KDM6B: variants seen among roughly 807,000 people sequenced by gnomAD.
KDM6B encodes lysine-specific demethylase 6B.
Under a neutral mutation model 150.4 loss-of-function variants are expected in KDM6B, and 22 were observed. The ratio of observed to expected loss-of-function variants is 0.15; its 90% confidence interval spans 0.10 to 0.21. KDM6B has a LOEUF of 0.21. Ranked by LOEUF, KDM6B falls within the 10% of genes least tolerant of loss-of-function variation. The pLI is 1.00. For synonymous variants in KDM6B, 1,148 were observed against 921.1 expected, an observed-to-expected ratio of 1.25 and a Z score of -4.46; for missense variants, 1,984 against 2,234.3, an observed-to-expected ratio of 0.89 and a Z score of 2.26.
rs2078610458 is a variant in KDM6B at position 7,848,398 on chromosome 17, G to A, written c.2110G>A (p.Glu704Lys). The change falls in exon 12 of 24, where the codon GAA becomes AAA. Residue 704 changes from glutamate to lysine, a missense_variant. Around this residue, in one of 13 missense-constraint regions of KDM6B, gnomAD observed 1,379 missense variants for 1,275.6 expected, o/e 1.08. Transcript: ENST00000448097. ...GGCCAACATCATGAAGATGCTGGACGAATCCATTCGCAAGGAAGAGGAACA... is the reference window on the plus strand; with the variant it reads ...GGCCAACATCATGAAGATGCTGGACAAATCCATTCGCAAGGAAGAGGAACA... ...GLANIMKMLDESIRKEEEQQQ... is the reference protein window; with the variant it reads ...GLANIMKMLDKSIRKEEEQQQ... The A allele has an allele frequency of 1.2e-6, 2 of 1,613,048 alleles. No individual in the cohort carries two copies. The highest frequency in any genetic ancestry group is 8.5e-7 in the Non-Finnish European group (1 of 1,180,000).
In KDM6B at chr17:7,845,347, G is replaced by A. The variant is rs909626122; in HGVS notation, c.-115G>A. ...GTGAAAGGACTGAGGCAGCCATCTG[G>A]GGGTAGCGGGCACTCTTATCAGAGC... On this transcript the variant is annotated 5_prime_UTR_variant, in exon 4 of 24. Coordinates refer to ENST00000448097, the MANE Select transcript of KDM6B (RefSeq NM_001348716.2). 1.5e-6 allele frequency: 1 copy of A among 660,648 alleles called. No individual in the cohort carries two copies. Among genetic ancestry groups the A allele is most frequent in the Non-Finnish European group, 2.7e-6 (1 of 365,110 alleles). 40.9% of individuals were successfully genotyped at this position (660,648 alleles called of 1,614,324 possible). A position where few individuals can be genotyped will look rare whatever the true frequency, so the allele number is the denominator to read the frequency against.
intron 6 of KDM6B, 36 bp from the exon 7 acceptor site, chr17:7,846,042 A>G (rs759704911): frequency 8.0e-5 from 110 of 1,373,064 alleles, no homozygotes; most frequent in Non-Finnish European, 1.0e-4. Flanking sequence ...CTCAAGCCCA[A>G]CCCCCACCCA....
At chr17:7,846,371 G>GGGGGGGGGGCGGGCCCCCCCCC in intron 7 of KDM6B, 29 bp from the exon 8 acceptor site, 1 of 1,488,926 alleles carries the variant, frequency 6.7e-7, no homozygotes, top group Non-Finnish European at 9.2e-7. Flanking sequence ...CCTGACATCT[G>GGGGGGGGGGCGGGCCCCCCCCC]CCCCTGCCCC....
rs574052389 is a variant in KDM6B at position 7,854,082 on chromosome 17, A to G, written c.*561A>G. 6.6e-6 allele frequency: 1 copy of G among 152,322 alleles called. No homozygotes were observed. Among genetic ancestry groups the G allele is most frequent in the East Asian group, 1.9e-4 (1 of 5,174 alleles). 9.4% of individuals were successfully genotyped at this position (152,322 alleles called of 1,614,324 possible). On this transcript the variant is annotated 3_prime_UTR_variant, in exon 24 of 24. Transcript: ENST00000448097. The stretch of plus-strand genomic sequence containing the variant: ...TTTCTTGTTTTTTTGTTTTTAATTT[A>G]TAACAGTCCCACTCACCTCTATTTA...
intron 6 of KDM6B, 44 bp downstream of exon 6, chr17:7,846,014 G>T (rs2078526826): frequency 1.9e-6 from 3 of 1,604,096 alleles, no homozygotes; most frequent in Non-Finnish European, 1.7e-6. Flanking sequence ...GGTAAGGCTG[G>T]GGCCTTGAAA....
intron 10 of KDM6B, 37 bp downstream of exon 10, chr17:7,847,053 C>G (rs201841478): frequency 6.2e-7 from 1 of 1,610,662 alleles, no homozygotes. Context: ...CTCTCACCTA[C>G]AAGTCCCACG....
chr17:7,848,660 A>AGCC lies in KDM6B; in HGVS notation c.2373_2375dup (p.Pro798dup), dbSNP rs986689535. ...AAGTTCCCTCCACCCTCTCAGCCACAGCCACCACCACCCCCACCCCCCAGC... is the reference window on the plus strand; with the variant it reads ...AAGTTCCCTCCACCCTCTCAGCCACAGCCGCCACCACCACCCCCACCCCCCAGC... On this transcript the variant is annotated inframe_insertion, in exon 12 of 24. Coordinates refer to ENST00000448097, the MANE Select transcript of KDM6B (RefSeq NM_001348716.2). The AGCC allele has an allele frequency of 3.0e-5, 48 of 1,604,290 alleles. No homozygotes were observed. The highest frequency in any genetic ancestry group is 3.9e-5 in the Non-Finnish European group (46 of 1,176,414).
intron 2 of KDM6B, among the ~76,000 whole-genome samples, chr17:7,842,998 T>G (rs2078449179): frequency 6.7e-6 from 1 of 149,618 alleles, no homozygotes; most frequent in African/African-American, 2.4e-5. Context: ...TTTGTATTCT[T>G]GGGTGCTGGC....
chr17:7,849,506 A>C lies in KDM6B; in HGVS notation c.3218A>C (p.Lys1073Thr), dbSNP rs750457865. ...TPPSASVPGK[K>T]AREEAPGPPG... ...CCGTCAGCCTCTGTCCCTGGAAAGA[A>C]GGCTCGGGAGGAAGCCCCAGGGCCA... The change falls in exon 12 of 24, where the codon AAG (lysine) becomes ACG (threonine). Residue 1073 changes from lysine (K) to threonine (T), a missense_variant. By Grantham distance (78) the Lys-to-Thr change is moderately conservative (BLOSUM62 -1). Transcript: ENST00000448097. The C allele has an allele frequency of 3.7e-6, 6 of 1,612,752 alleles. No homozygotes were observed. The highest frequency in any genetic ancestry group is 1.1e-5 in the South Asian group (1 of 91,080).
rs766507370 is a variant in KDM6B at position 7,849,667 on chromosome 17, C to T, written c.3379C>T (p.Arg1127Trp). ...TFIASEVEER[R>W]LRMADLTISH... ...TATCGCCTCTGAGGTGGAAGAGCGG[C>T]GGCTGCGCATGGCAGACCTCACCAT... Residue 1127 changes from arginine (R) to tryptophan (W), a missense_variant, in exon 12 of 24, where the codon CGG becomes TGG. Physicochemically the swap from Arg to Trp is moderately radical, Grantham distance 101. Coordinates refer to ENST00000448097, the MANE Select transcript of KDM6B (RefSeq NM_001348716.2). 24 of 1,609,764 alleles carry T rather than the reference C, an allele frequency of 1.5e-5. No homozygotes were observed. Among genetic ancestry groups the T allele is most frequent in the Non-Finnish European group, 1.7e-5 (20 of 1,179,976 alleles).
chr17:7,834,238 T>C lies in KDM6B; in HGVS notation c.-500T>C, dbSNP rs1217731917. On this transcript the variant is annotated 5_prime_UTR_variant, in exon 1 of 24. Transcript: ENST00000448097. ...GGGTGTTTGTGTTGGAAAATCCAAC[T>C]GCGCCACTGGGCGGAGCGGCCCCCC... is the stretch of plus-strand genomic sequence containing the variant. 1.3e-5 allele frequency among the ~76,000 whole-genome samples: 2 copies of C among 150,544 alleles called. No homozygotes were observed. Among genetic ancestry groups the C allele is most frequent in the Non-Finnish European group, 3.0e-5 (2 of 67,546 alleles).
Position 7,845,382 on chromosome 17 carries a change from C to G in KDM6B, c.-80C>G, listed in dbSNP as rs1262745094. The G allele has an allele frequency of 1.2e-6, 1 of 810,990 alleles. No individual in the cohort carries two copies. Among genetic ancestry groups the G allele is most frequent in the Non-Finnish European group, 2.1e-6 (1 of 473,736 alleles). The allele number at this position is 810,990 out of a possible 1,614,324, so 50.2% of individuals were successfully genotyped here. On this transcript the variant is annotated 5_prime_UTR_variant, in exon 4 of 24. Transcript: ENST00000448097. ...GCACTCTTATCAGAGCGGCTGGAGC[C>G]GGACCATCGTCCCAGAGAGCTGGGG...
rs1597864390 is a variant in KDM6B at position 7,854,319 on chromosome 17, C to G, written c.*798C>G. On this transcript the variant is annotated 3_prime_UTR_variant, in exon 24 of 24. Transcript: ENST00000448097. ...GTCCTGCACTTTCTCGGACCAGTCC[C>G]CCCACTCCCGACCCGACCCCAGCCC... 1 of 152,682 alleles carries G rather than the reference C, an allele frequency of 6.5e-6. No individual in the cohort carries two copies. Among genetic ancestry groups the G allele is most frequent in the Non-Finnish European group, 1.5e-5 (1 of 68,084 alleles). 9.5% of individuals were successfully genotyped at this position (152,682 alleles called of 1,614,324 possible). A position where few individuals can be genotyped will look rare whatever the true frequency, so the allele number is the denominator to read the frequency against.
Position 7,853,589 on chromosome 17 carries a change from T to G in KDM6B, c.*68T>G. ...CGGGGCCACCAGCACATGCCTGGGCTGGACCTAGGTCCCGCCTGTGGCCGA... is the reference window on the plus strand; with the variant it reads ...CGGGGCCACCAGCACATGCCTGGGCGGGACCTAGGTCCCGCCTGTGGCCGA... On this transcript the variant is annotated 3_prime_UTR_variant, in exon 24 of 24. Coordinates refer to ENST00000448097, the MANE Select transcript of KDM6B (RefSeq NM_001348716.2). The G allele has an allele frequency of 8.1e-7, 1 of 1,237,850 alleles. No individual in the cohort carries two copies. Among genetic ancestry groups the G allele is most frequent in the South Asian group, 1.8e-5 (1 of 54,526 alleles). 76.7% of individuals were successfully genotyped at this position (1,237,850 alleles called of 1,614,324 possible).
At position 7,853,536 on chromosome 17, in the gene KDM6B, C is replaced by G. The variant is rs890310537; in HGVS notation, c.*15C>G. On this transcript the variant is annotated 3_prime_UTR_variant, in exon 24 of 24. Coordinates refer to ENST00000448097, the MANE Select transcript of KDM6B (RefSeq NM_001348716.2). ...CGTCGCGATGAGGCCGGACGCCCCG[C>G]CCGCCTGCCTGCCCGCGCAAGGCGC... 5.7e-5 allele frequency: 82 copies of G among 1,440,230 alleles called. No individual in the cohort carries two copies. The highest frequency in any genetic ancestry group is 7.3e-5 in the Non-Finnish European group (81 of 1,102,454). 89.2% of individuals were successfully genotyped at this position (1,440,230 alleles called of 1,614,324 possible).
In KDM6B at chr17:7,851,813, T is replaced by C; in HGVS notation, c.4165+17T>C. On this transcript the variant is annotated intron_variant, in intron 18 of 23. Transcript: ENST00000448097. Reference sequence around the variant, plus strand: ...GAACGCCAGGTGCGCTCCACGCCTGTGCGCGCTGATGCTGGAAGCGCGAGA... The same window carrying C: ...GAACGCCAGGTGCGCTCCACGCCTGCGCGCGCTGATGCTGGAAGCGCGAGA... 6.4e-7 allele frequency: 1 copy of C among 1,556,328 alleles called. No homozygotes were observed. The highest frequency in any genetic ancestry group is 8.7e-7 in the Non-Finnish European group (1 of 1,150,230).
In KDM6B at chr17:7,844,060, C is replaced by G. The variant is rs991332024; in HGVS notation, c.-268-841C>G. 2 of 148,326 alleles carry G rather than the reference C, an allele frequency of 1.3e-5. No individual in the cohort carries two copies. The highest frequency in any genetic ancestry group is 3.0e-5 in the Non-Finnish European group (2 of 66,400). 9.2% of individuals were successfully genotyped at this position (148,326 alleles called of 1,614,324 possible). ...CCGCCCTCCTCCCTCCCTCAGGACCCCCCCCCCCGCAGTACATTTACACAC... is the reference window on the plus strand; with the variant it reads ...CCGCCCTCCTCCCTCCCTCAGGACCGCCCCCCCCGCAGTACATTTACACAC... On this transcript the variant is annotated intron_variant, in intron 2 of 23. Coordinates refer to ENST00000448097, the MANE Select transcript of KDM6B (RefSeq NM_001348716.2). This position sits in a 1 kb window ranked among gnomAD's most constrained non-coding sequence, Gnocchi z 5.9.
chr17:7,842,557 TG>T (rs1369503948), intron 2 of KDM6B, among the ~76,000 whole-genome samples: 1 of 152,124 alleles, frequency 6.6e-6, no homozygotes, highest in East Asian at 1.9e-4. Context: ...GGGCTATTCT[TG>T]CCCCAGAGCG....
chr17:7,852,097 G>C (rs763312684), intron 19 of KDM6B, 32 bp downstream of exon 19: 14 of 1,613,466 alleles, frequency 8.7e-6, no homozygotes, highest in Non-Finnish European at 1.2e-5. Context: ...TCAGACTGCC[G>C]CGTCCCCGCC....
Sources: gnomAD v4.1 joint callset for allele counts (sites outside exome capture counted in the v4.1 genomes callset) on GRCh38, gnomAD v4.1.1 for gene constraint, gnomAD v4.1.1 regional missense constraint, Gnocchi (gnomAD v3.1) non-coding constraint, MANE v1.5 for transcripts, NCBI Gene and HGNC (gene_info 2026-07-23, HGNC 2026-07-21) for gene names.